The following CDC14A variants were observed in gnomAD, a reference collection of about 807,000 sequenced individuals.
CDC14A encodes the protein dual specificity protein phosphatase CDC14A.
In CDC14A, 53 loss-of-function variants were observed where a neutral mutation model predicts 74.4. The ratio of observed to expected loss-of-function variants is 0.71; its 90% CI spans 0.57 to 0.89. CDC14A has a LOEUF of 0.89. Among genes scored for constraint, CDC14A ranks in the 40% least tolerant of loss-of-function variants. The probability of loss-of-function intolerance (pLI) is 0.00; values close to 1 mark genes in which losing one functional copy is unlikely to be tolerated. For missense variants in CDC14A, 646 were observed against 713.7 expected (o/e 0.91, Z 1.08); for synonymous variants, 247 against 258.4 (o/e 0.96, Z 0.43).
At chr1:100,457,610 CCACCA>C (rs1445993692) in intron 8 of CDC14A, among the ~76,000 whole-genome samples, 1 of 151,208 alleles carries the variant, frequency 6.6e-6, no homozygotes, top group African/African-American at 2.4e-5. Context: ...AAGGCACAGC[CCACCA>C]CACCTGGCTG....
intron 3 of CDC14A, among the ~76,000 whole-genome samples, chr1:100,385,766 G>A (rs1656760903): frequency 6.6e-6 from 1 of 152,144 alleles, no homozygotes; most frequent in South Asian, 2.1e-4. Flanking sequence ...TGATTAAACT[G>A]GACCCCTCTG....
At chr1:100,410,101 A>G (rs1009338145) in intron 4 of CDC14A, among the ~76,000 whole-genome samples, 5 of 152,040 alleles carry the variant, frequency 3.3e-5, no homozygotes, top group Admixed American at 1.3e-4. Flanking sequence ...AGTCTCAGCT[A>G]CTTGGGAGGC....
At position 100,398,700 on chromosome 1, in the gene CDC14A, A is replaced by G. The variant is rs1448503979; in HGVS notation, c.309+7876A>G. Among the ~76,000 whole-genome samples, 6 of 152,216 alleles carry G rather than the reference A, an allele frequency of 3.9e-5. 1 individual carries two copies. The highest frequency in any genetic ancestry group is 4.1e-4 in the South Asian group (2 of 4,836). ...AATAAACAATTGTTTAAAGCGGGCA[A>G]TAGGTACAATTGGGTAAATATGAAT... On this transcript the variant is annotated intron_variant, in intron 4 of 15. Transcript: ENST00000336454.
intron 4 of CDC14A, among the ~76,000 whole-genome samples, chr1:100,401,319 A>G (rs987001455): frequency 5.3e-5 from 8 of 152,168 alleles, no homozygotes; most frequent in African/African-American, 1.9e-4. Flanking sequence ...TAAGCGTTCA[A>G]TAAGTGTTTG....
At chr1:100,447,664 A>G (rs893055572) in intron 7 of CDC14A, among the ~76,000 whole-genome samples, 1 of 152,208 alleles carries the variant, frequency 6.6e-6, no homozygotes, top group African/African-American at 2.4e-5. Context: ...AAGATGATAG[A>G]GCTTGAACAT....
intron 5 of CDC14A, among the ~76,000 whole-genome samples, chr1:100,427,448 A>G (rs1409364867): frequency 2.6e-5 from 4 of 152,160 alleles, no homozygotes; most frequent in Admixed American, 2.6e-4. Flanking sequence ...CTGTTTTTCA[A>G]ATTTTTTTCA....
chr1:100,466,912 T>TGTCA (rs1462478166), intron 9 of CDC14A, among the ~76,000 whole-genome samples: 1 of 142,056 alleles, frequency 7.0e-6, no homozygotes, highest in Non-Finnish European at 1.5e-5. Flanking sequence ...GGGAAGGAAA[T>TGTCA]GTCAGGCATC....
intron 4 of CDC14A, among the ~76,000 whole-genome samples, chr1:100,405,811 G>A (rs1659867070): frequency 6.6e-6 from 1 of 152,110 alleles, no homozygotes; most frequent in African/African-American, 2.4e-5. Flanking sequence ...CCATGTCTTT[G>A]CTATTGTGAA....
Position 100,377,214 on chromosome 1 carries a change from A to AT in CDC14A, c.141-327dup, listed in dbSNP as rs543674312. The stretch of plus-strand genomic sequence containing the variant: ...CACCACACTGCCTGGCTAATTTTGT[A>AT]TTTTTAGTAGAGATGGGGTTTCTCC... On this transcript the variant is annotated intron_variant, in intron 2 of 15. Coordinates refer to ENST00000336454, the MANE Select transcript of CDC14A (RefSeq NM_003672.4). Among the ~76,000 whole-genome samples, 521 of 152,044 alleles carry AT rather than the reference A, an allele frequency of 3.4e-3. 5 individuals carry two copies. Among genetic ancestry groups the AT allele is most frequent in the African/African-American group, 0.012 (486 of 41,456 alleles).
chr1:100,354,610 G>C (rs2100875350), intron 2 of CDC14A, among the ~76,000 whole-genome samples: 1 of 152,318 alleles, frequency 6.6e-6, no homozygotes, highest in Non-Finnish European at 1.5e-5. Flanking sequence ...ATTGAAGAGA[G>C]ATAAATCTTT....
At chr1:100,346,172 AAAAAC>A (rs543442385) in intron 1 of CDC14A, among the ~76,000 whole-genome samples, 20 of 152,242 alleles carry the variant, frequency 1.3e-4, no homozygotes, top group African/African-American at 3.4e-4. Context: ...ACTCCATCTC[AAAAAC>A]AAAACAAAAC....
intron 7 of CDC14A, among the ~76,000 whole-genome samples, chr1:100,444,906 C>T (rs923750836): frequency 6.3e-4 from 96 of 151,892 alleles, no homozygotes; most frequent in African/African-American, 2.3e-3. Flanking sequence ...AAAATTAATA[C>T]ATTTAATGCA....
intron 4 of CDC14A, among the ~76,000 whole-genome samples, chr1:100,415,585 C>T (rs773344090): frequency 6.6e-6 from 1 of 152,098 alleles, no homozygotes; most frequent in East Asian, 1.9e-4. Context: ...ATAATGGACT[C>T]AAAACTTGAA....
chr1:100,362,763 A>G (rs931909484), intron 2 of CDC14A, among the ~76,000 whole-genome samples: 1 of 152,262 alleles, frequency 6.6e-6, no homozygotes, highest in East Asian at 1.9e-4. Context: ...ATTTATTAAA[A>G]ATATGTAACA....
intron 7 of CDC14A, among the ~76,000 whole-genome samples, chr1:100,446,872 A>AT (rs1665597314): frequency 6.6e-6 from 1 of 151,692 alleles, no homozygotes; most frequent in Admixed American, 6.6e-5. Context: ...TAATTTTTGT[A>AT]TTTTTTTGTA....
At chr1:100,499,689 T>C (rs1648476527) in intron 15 of CDC14A, among the ~76,000 whole-genome samples, 1 of 152,198 alleles carries the variant, frequency 6.6e-6, no homozygotes, top group East Asian at 1.9e-4. Flanking sequence ...TATGGCTTTT[T>C]CCGCATCATA....
intron 5 of CDC14A, among the ~76,000 whole-genome samples, chr1:100,435,390 G>T (rs758250521): frequency 1.3e-5 from 2 of 152,184 alleles, no homozygotes; most frequent in African/African-American, 2.4e-5. Context: ...TTAGTGGATT[G>T]CCAGGGGCTG....
chr1:100,492,679 A>G (rs1255665785), intron 11 of CDC14A, among the ~76,000 whole-genome samples: 7 of 152,136 alleles, frequency 4.6e-5, no homozygotes, highest in Admixed American at 1.3e-4. Context: ...TTAAATTTGC[A>G]TAGTTTTCTA....
chr1:100,425,713 T>A (rs147015823), intron 5 of CDC14A, among the ~76,000 whole-genome samples: 1 of 152,294 alleles, frequency 6.6e-6, no homozygotes, highest in East Asian at 1.9e-4. Flanking sequence ...TGGCAGATAA[T>A]GTAGATGAAA....
Sources: allele counts gnomAD v4.1 joint callset (sites outside exome capture counted in the v4.1 genomes callset), GRCh38; gene constraint gnomAD v4.1.1; transcripts MANE v1.5; gene names NCBI Gene and HGNC (gene_info 2026-07-23, HGNC 2026-07-21).